The following GABRG3 variants were observed in gnomAD, a reference collection of about 807,000 sequenced individuals.
The protein encoded by GABRG3 is gamma-aminobutyric acid receptor subunit gamma-3.
In GABRG3, 25 loss-of-function variants were observed where a neutral mutation model predicts 48.8. The ratio of observed to expected loss-of-function variants is 0.51; its 90% CI spans 0.37 to 0.72. GABRG3 has a LOEUF of 0.72. Ranked by LOEUF, GABRG3 falls within the 30% of genes least tolerant of loss-of-function variation. The probability of loss-of-function intolerance (pLI) is 0.00; values close to 1 mark genes in which losing one functional copy is unlikely to be tolerated. For synonymous variants in GABRG3, 227 were observed against 217.6 expected, an observed-to-expected ratio of 1.04 and a Z score of -0.38; for missense variants, 394 against 577.9, an observed-to-expected ratio of 0.68 and a Z score of 3.26.
intron 6 of GABRG3, among the ~76,000 whole-genome samples, chr15:27,493,256 C>T (rs74006966): frequency 0.035 from 5,269 of 151,894 alleles, 311 homozygotes; most frequent in African/African-American, 0.12. Context: ...ACAATAGACT[C>T]GATTTCATAT....
intron 3 of GABRG3, among the ~76,000 whole-genome samples, chr15:27,281,360 T>G (rs1204561127): frequency 1.2e-4 from 19 of 152,136 alleles, no homozygotes; most frequent in Non-Finnish European, 2.4e-4. Flanking sequence ...CTTTGCCTGT[T>G]TTTCCAGATT....
intron 3 of GABRG3, among the ~76,000 whole-genome samples, chr15:27,036,412 G>A (rs934795173): frequency 2.0e-5 from 3 of 152,180 alleles, no homozygotes; most frequent in African/African-American, 7.2e-5. Flanking sequence ...TCAGATGCCG[G>A]CCGGGCGCGG....
intron 5 of GABRG3, among the ~76,000 whole-genome samples, chr15:27,388,889 G>A (rs943675907): frequency 1.1e-4 from 16 of 152,194 alleles, no homozygotes; most frequent in Admixed American, 9.8e-4. Flanking sequence ...CAGAGAGACA[G>A]AGAGAGACCT....
chr15:27,412,121 A>G (rs1283840264), intron 5 of GABRG3, among the ~76,000 whole-genome samples: 4 of 152,008 alleles, frequency 2.6e-5, no homozygotes, highest in African/African-American at 4.8e-5. Flanking sequence ...CAGTCATGCA[A>G]GTTTCCTAAT....
chr15:27,031,884 T>C (rs7167602), intron 3 of GABRG3, among the ~76,000 whole-genome samples: 94,801 of 152,090 alleles, frequency 0.62, 29,654 homozygotes, highest in East Asian at 0.68. Context: ...ACCGTGGTGC[T>C]CCTGACCTTG....
intron 3 of GABRG3, among the ~76,000 whole-genome samples, chr15:27,163,327 T>G (rs1484361930): frequency 6.6e-6 from 1 of 152,078 alleles, no homozygotes; most frequent in Non-Finnish European, 1.5e-5. Context: ...AGCCTCAGCC[T>G]CCCAAGTAGC....
intron 3 of GABRG3, among the ~76,000 whole-genome samples, chr15:27,047,996 T>C (rs1203683363): frequency 5.9e-5 from 9 of 152,226 alleles, no homozygotes; most frequent in Middle Eastern, 3.4e-3. Context: ...AGAAAATGCA[T>C]TGAGAATAGG....
chr15:27,288,980 A>G (rs1891710407), intron 3 of GABRG3, among the ~76,000 whole-genome samples: 1 of 152,186 alleles, frequency 6.6e-6, no homozygotes, highest in Non-Finnish European at 1.5e-5. Context: ...TTCTTTCTGC[A>G]CTTGAAAAAT....
intron 5 of GABRG3, among the ~76,000 whole-genome samples, chr15:27,347,355 G>T (rs904661270): frequency 6.6e-6 from 1 of 152,230 alleles, no homozygotes; most frequent in Non-Finnish European, 1.5e-5. Flanking sequence ...TGTTTTCCTG[G>T]GCTGTGGCCT....
intron 3 of GABRG3, among the ~76,000 whole-genome samples, chr15:27,267,517 G>A (rs1202562893): frequency 1.3e-5 from 2 of 151,344 alleles, no homozygotes; most frequent in African/African-American, 4.9e-5. Flanking sequence ...ATAGTTCACT[G>A]CAGTCTCAAC....
chr15:27,346,126 A>C, intron 5 of GABRG3, among the ~76,000 whole-genome samples: 1 of 151,046 alleles, frequency 6.6e-6, no homozygotes, highest in South Asian at 2.1e-4. Flanking sequence ...AAGAAAGAGA[A>C]AGAAAGAAAG....
intron 3 of GABRG3, among the ~76,000 whole-genome samples, chr15:27,132,107 C>T (rs1897925589): frequency 6.6e-6 from 1 of 151,892 alleles, no homozygotes; most frequent in South Asian, 2.1e-4. Flanking sequence ...CTAATTGTTT[C>T]CTTTGTTGTA....
At chr15:27,420,327 G>C (rs1435679936) in intron 5 of GABRG3, among the ~76,000 whole-genome samples, 2 of 152,174 alleles carry the variant, frequency 1.3e-5, no homozygotes, top group Non-Finnish European at 1.5e-5. Flanking sequence ...AAATAATCCA[G>C]ACACAGAAAG....
intron 3 of GABRG3, among the ~76,000 whole-genome samples, chr15:27,152,088 A>C (rs927114328): frequency 1.3e-5 from 2 of 152,152 alleles, no homozygotes. Context: ...CTAAATTGCA[A>C]ATATTTTCTT....
chr15:27,064,855 A>G (rs1209579233), intron 3 of GABRG3, among the ~76,000 whole-genome samples: 1 of 152,202 alleles, frequency 6.6e-6, no homozygotes, highest in East Asian at 1.9e-4. Context: ...TGGTGCACTG[A>G]AAAATCAGGA....
chr15:27,192,653 C>G (rs1888358182), intron 3 of GABRG3, among the ~76,000 whole-genome samples: 3 of 152,116 alleles, frequency 2.0e-5, no homozygotes, highest in Non-Finnish European at 4.4e-5. Flanking sequence ...TTTTTAATTT[C>G]TTTGCCTTTG....
At chr15:27,285,961 C>A (rs1891597708) in intron 3 of GABRG3, among the ~76,000 whole-genome samples, 1 of 152,118 alleles carries the variant, frequency 6.6e-6, no homozygotes. Flanking sequence ...CAGTGCTTGG[C>A]CCATCGTAGG....
At chr15:26,998,968 G>A (rs1373185222) in intron 2 of GABRG3, among the ~76,000 whole-genome samples, 3 of 151,834 alleles carry the variant, frequency 2.0e-5, no homozygotes, top group Non-Finnish European at 4.4e-5. Flanking sequence ...ATTTAAAAGA[G>A]AGCTGCCATG....
intron 5 of GABRG3, 60 bp downstream of exon 5, chr15:27,328,948 T>C (rs1275033666): frequency 6.0e-6 from 8 of 1,326,736 alleles, no homozygotes; most frequent in Admixed American, 5.1e-5. Context: ...AGCCTGGTAC[T>C]GCTTCTGTCA....
Sources: allele counts gnomAD v4.1 joint callset (sites outside exome capture counted in the v4.1 genomes callset), GRCh38; gene constraint gnomAD v4.1.1; transcripts MANE v1.5; gene names NCBI Gene and HGNC (gene_info 2026-07-23, HGNC 2026-07-21).